Variants in FBXL2 observed in about 807,000 individuals in gnomAD.
The protein encoded by FBXL2 is F-box/LRR-repeat protein 2.
FBXL2 carries 38 observed loss-of-function variants against 69.2 expected under a neutral mutation model. That is an observed-to-expected ratio of 0.55 (90% CI 0.42 to 0.72). FBXL2 has a LOEUF of 0.72. Ranked by LOEUF, FBXL2 falls within the 30% of genes least tolerant of loss-of-function variation. The pLI is 0.00. For missense variants in FBXL2, 354 were observed against 520.3 expected (o/e 0.68, Z 3.11); for synonymous variants, 192 against 201.3 (o/e 0.95, Z 0.39).
chr3:33,392,448 T>A (rs1001372899), downstream of FBXL2: 3 of 889,626 alleles, frequency 3.4e-6, no homozygotes. Context: ...TCAAACTTTC[T>A]TCTTAAAATG....
At chr3:33,362,488 C>T (rs996502485) in intron 4 of FBXL2, among the ~76,000 whole-genome samples, 1 of 150,346 alleles carries the variant, frequency 6.7e-6, no homozygotes, top group African/African-American at 2.4e-5. Context: ...TTTGCATTTT[C>T]CCCCTCTTAG....
At chr3:33,415,742 T>C in the FBXL2 span, among the ~76,000 whole-genome samples, 2 of 151,178 alleles carry the variant, frequency 1.3e-5, no homozygotes, top group Non-Finnish European at 2.9e-5. Context: ...CCTTTTACAC[T>C]GATACATTAA....
the FBXL2 span, chr3:33,409,381 CT>C: frequency 6.2e-7 from 1 of 1,613,944 alleles, no homozygotes; most frequent in Non-Finnish European, 8.5e-7. Flanking sequence ...ATCTATCAGG[CT>C]GCAGACACAC....
intron 2 of FBXL2, among the ~76,000 whole-genome samples, chr3:33,303,711 G>T (rs1376010279): frequency 6.6e-6 from 1 of 151,908 alleles, no homozygotes; most frequent in Non-Finnish European, 1.5e-5. Flanking sequence ...GTACAGTGGT[G>T]GATGAAATAA....
intron 2 of FBXL2, among the ~76,000 whole-genome samples, chr3:33,339,709 T>C (rs527707346): frequency 2.0e-5 from 3 of 152,040 alleles, no homozygotes; most frequent in Admixed American, 6.5e-5. Flanking sequence ...AAAATGAAAG[T>C]TGGAAGGAAA....
chr3:33,394,419 GC>G (rs2043887523), intron 12 of FBXL2, among the ~76,000 whole-genome samples: 1 of 151,916 alleles, frequency 6.6e-6, no homozygotes, highest in Admixed American at 6.6e-5. Flanking sequence ...ATCTGTATAT[GC>G]CCCTCCCCCA....
At chr3:33,376,032 T>C (rs1359571752) in intron 10 of FBXL2, among the ~76,000 whole-genome samples, 4 of 152,054 alleles carry the variant, frequency 2.6e-5, no homozygotes, top group African/African-American at 4.8e-5. Context: ...GGCAGGTGCC[T>C]GTAATTCCAG....
intron 12 of FBXL2, chr3:33,397,040 T>G: frequency 6.3e-7 from 1 of 1,587,966 alleles, no homozygotes; most frequent in Non-Finnish European, 8.6e-7. Context: ...TTCACAGTAT[T>G]TTACCTTGAC....
rs142710784 is a variant in FBXL2 at position 33,377,296 on chromosome 3, C to T, written c.812C>T (p.Ser271Phe). ...AGAATTTTGGAGGCTGCCCGATGCTCCCATTTGACTGACGCAGGTTTTACA... is the reference window on the plus strand; with the variant it reads ...AGAATTTTGGAGGCTGCCCGATGCTTCCATTTGACTGACGCAGGTTTTACA... ...RLQILEAARC[S>F]HLTDAGFTLL... is the part of the protein sequence containing the mutation. The change falls in exon 11 of 15, where the codon TCC becomes TTC. Residue 271 changes from serine (S) to phenylalanine (F), a missense_variant. Coordinates refer to ENST00000484457, the MANE Select transcript of FBXL2 (RefSeq NM_012157.5). The T allele has an allele frequency of 5.0e-5, 81 of 1,614,032 alleles. No homozygotes were observed. Among genetic ancestry groups the T allele is most frequent in the Non-Finnish European group, 5.1e-5 (60 of 1,180,020 alleles).
At chr3:33,393,326 G>C (rs778427257) in intron 12 of FBXL2, 26 of 1,605,872 alleles carry the variant, frequency 1.6e-5, no homozygotes, top group Middle Eastern at 1.7e-4. Flanking sequence ...TCACTAACAA[G>C]AATGTGAATA....
At chr3:33,346,715 TAAA>T (rs2040465314) in intron 2 of FBXL2, among the ~76,000 whole-genome samples, 1 of 152,062 alleles carries the variant, frequency 6.6e-6, no homozygotes, top group Admixed American at 6.6e-5. Flanking sequence ...CTAACCAAGA[TAAA>T]AGAAGAACTG....
chr3:33,388,154 T>TTAGG (rs1252540354), downstream of FBXL2: 18 of 151,554 alleles, frequency 1.2e-4, no homozygotes, highest in East Asian at 3.3e-3. Context: ...AGTTAGTTAG[T>TTAGG]TAATGGAATA....
At chr3:33,391,016 A>G (rs1035157851), downstream of FBXL2, 3 of 152,460 alleles carry the variant, frequency 2.0e-5, no homozygotes, top group Admixed American at 6.5e-5. Flanking sequence ...CAATTATAGT[A>G]TATGTCTTCT....
chr3:33,347,199 A>G (rs1038569968), intron 2 of FBXL2, among the ~76,000 whole-genome samples: 13 of 152,154 alleles, frequency 8.5e-5, no homozygotes, highest in Admixed American at 8.5e-4. Context: ...TTCAGCCTCC[A>G]CAAAGAAGTG....
In FBXL2 at chr3:33,373,798, G is replaced by C. The variant is rs769889991; in HGVS notation, c.583-49G>C. 5.0e-6 allele frequency: 8 copies of C among 1,613,816 alleles called. No individual in the cohort carries two copies. The East Asian group carries it at 1.8e-4, about 36-fold the overall frequency. ...TTTGCATTTTTCTTGGTGTCCCACT[G>C]TTCCCTCACCTGGATTCCAGCTGTC... On this transcript the variant is annotated intron_variant, in intron 8 of 14. Coordinates refer to ENST00000484457, the MANE Select transcript of FBXL2 (RefSeq NM_012157.5).
chr3:33,392,582 A>G (rs770249901), downstream of FBXL2: 1 of 1,612,250 alleles, frequency 6.2e-7, no homozygotes, highest in Non-Finnish European at 8.5e-7. Context: ...TGGAGAATAA[A>G]AAACAACTCT....
chr3:33,406,458 A>G (rs2044430662), downstream of FBXL2, among the ~76,000 whole-genome samples: 1 of 152,222 alleles, frequency 6.6e-6, no homozygotes, highest in Non-Finnish European at 1.5e-5. Flanking sequence ...ATAACACAGC[A>G]TAACATACAT....
chr3:33,282,985 A>G (rs562993486), intron 1 of FBXL2, among the ~76,000 whole-genome samples: 1 of 152,342 alleles, frequency 6.6e-6, no homozygotes, highest in South Asian at 2.1e-4. Flanking sequence ...CAATCATGTC[A>G]TCTGCAAACA....
chr3:33,341,825 G>A (rs750102759), intron 2 of FBXL2, among the ~76,000 whole-genome samples: 2 of 65,812 alleles, frequency 3.0e-5, no homozygotes, highest in South Asian at 1.0e-3. Context: ...GCAAGACTCC[G>A]TCTCAGGAAA....
Sources: allele counts gnomAD v4.1 joint callset (sites outside exome capture counted in the v4.1 genomes callset), GRCh38; gene constraint gnomAD v4.1.1; transcripts MANE v1.5; gene names NCBI Gene and HGNC (gene_info 2026-07-23, HGNC 2026-07-21).